CYB5R1: variants seen among roughly 807,000 people sequenced by gnomAD.
The protein encoded by CYB5R1 is cytochrome b5 reductase 1.
CYB5R1 carries 32 observed loss-of-function variants against 37.4 expected under a neutral mutation model. The ratio of observed to expected loss-of-function variants is 0.86; its 90% CI spans 0.65 to 1.15. CYB5R1 has a LOEUF of 1.15. CYB5R1 is among the 50% of genes most tolerant of loss of function. The pLI, the probability that CYB5R1 is intolerant of heterozygous loss-of-function variation, is 0.00. For missense variants in CYB5R1, 345 were observed against 382.5 expected, an observed-to-expected ratio of 0.90 and a Z score of 0.82; for synonymous variants, 159 against 155.2, an observed-to-expected ratio of 1.02 and a Z score of -0.18.
In CYB5R1 at chr1:202,964,645, C is replaced by T; in HGVS notation, c.526G>A (p.Ala176Thr). 6.2e-7 allele frequency: 1 copy of T among 1,613,846 alleles called. No individual in the cohort carries two copies. Among genetic ancestry groups the T allele is most frequent in the Non-Finnish European group, 8.5e-7 (1 of 1,179,788 alleles). Residue 176 changes from alanine (A) to threonine (T), a missense_variant, in exon 6 of 9, where the codon GCG becomes ACG. Physicochemically the swap from Ala to Thr is moderately conservative, Grantham distance 58. Transcript: ENST00000367249. Reference sequence around the variant, plus strand: ...CCGGCAATCATTCCCAGTTTCTTCGCCACTCGGGGTTCTGGTGGAGATTTC... The same window carrying T: ...CCGGCAATCATTCCCAGTTTCTTCGTCACTCGGGGTTCTGGTGGAGATTTC... ...NKKSPPEPRV[A>T]KKLGMIAGGT... is the part of the protein sequence containing the mutation.
chr1:202,966,657 T>G, intron 2 of CYB5R1, 57 bp from the exon 3 acceptor site: 1 of 1,613,728 alleles, frequency 6.2e-7, no homozygotes, highest in Non-Finnish European at 8.5e-7. Context: ...GCCACGTCCC[T>G]TGGACATCCC....
intron 7 of CYB5R1, 174 bp downstream of exon 7, chr1:202,963,468 T>A (rs1206525694): frequency 1.7e-6 from 1 of 605,796 alleles, no homozygotes; most frequent in Admixed American, 3.2e-5. Flanking sequence ...AGGAATTTGA[T>A]TCAGTGCTCT....
At chr1:202,965,170 T>G in intron 5 of CYB5R1, 1 of 594,544 alleles carries the variant, frequency 1.7e-6, no homozygotes, top group Non-Finnish European at 2.9e-6. Flanking sequence ...GGCTAGGGAA[T>G]TCAAGTGGAG....
chr1:202,964,867 G>A, intron 5 of CYB5R1, 172 bp from the exon 6 acceptor site: 3 of 624,762 alleles, frequency 4.8e-6, no homozygotes, highest in Non-Finnish European at 5.8e-6. Context: ...TAATATAGTT[G>A]AGGGACAATG....
rs1449622615 is a variant in CYB5R1 at position 202,962,460 on chromosome 1, G to C, written c.*67C>G. On this transcript the variant is annotated 3_prime_UTR_variant, in exon 9 of 9. Transcript: ENST00000367249. ...GAAACTCTGAGGAAAGGAATCTAAGGCTTATAGTGCTTGAGTACTGATGGG... is the reference window on the plus strand; with the variant it reads ...GAAACTCTGAGGAAAGGAATCTAAGCCTTATAGTGCTTGAGTACTGATGGG... 1 of 1,517,962 alleles carries C rather than the reference G, an allele frequency of 6.6e-7. No homozygotes were observed. The allele number at this position is 1,517,962 out of a possible 1,614,324, so 94.0% of individuals were successfully genotyped here. A position where few individuals can be genotyped will look rare whatever the true frequency, so the allele number is the denominator to read the frequency against.
chr1:202,962,459 G>A lies in CYB5R1; in HGVS notation c.*68C>T, dbSNP rs1326249315. Reference sequence around the variant, plus strand: ...TGAAACTCTGAGGAAAGGAATCTAAGGCTTATAGTGCTTGAGTACTGATGG... The same window carrying A: ...TGAAACTCTGAGGAAAGGAATCTAAAGCTTATAGTGCTTGAGTACTGATGG... On this transcript the variant is annotated 3_prime_UTR_variant, in exon 9 of 9. Transcript: ENST00000367249. 6.6e-7 allele frequency: 1 copy of A among 1,516,142 alleles called. No homozygotes were observed. Among genetic ancestry groups the A allele is most frequent in the Non-Finnish European group, 8.9e-7 (1 of 1,128,926 alleles). The allele number at this position is 1,516,142 out of a possible 1,614,324, so 93.9% of individuals were successfully genotyped here. A position where few individuals can be genotyped will look rare whatever the true frequency, so the allele number is the denominator to read the frequency against.
In CYB5R1 at chr1:202,967,215, C is replaced by T. The variant is rs11544743; in HGVS notation, c.-10G>A. 1.0e-3 allele frequency: 1,684 copies of T among 1,611,410 alleles called. 14 individuals carry two copies. In the African/African-American group the frequency reaches 0.019, roughly 18 times the overall value. Reference sequence around the variant, plus strand: ...CCGTCTGGATCCCCATGACGGAGCGCCTTTTCCTCCACCACCTGACAAGCC... The same window carrying T: ...CCGTCTGGATCCCCATGACGGAGCGTCTTTTCCTCCACCACCTGACAAGCC... On this transcript the variant is annotated 5_prime_UTR_variant, in exon 1 of 9. Transcript: ENST00000367249.
chr1:202,966,580 C>G lies in CYB5R1; in HGVS notation c.186G>C (p.Lys62Asn), dbSNP rs772003868. ...LDKTTVSHNT[K>N]RFRFALPTAH... ...CGGTGGGCAGGGCAAAGCGGAACCT[C>G]TTGGTGTTGTGGCTCACAGTCTGGA... The change falls in exon 3 of 9, where the codon AAG becomes AAC. Residue 62 changes from lysine (K) to asparagine (N), a missense_variant. Coordinates refer to ENST00000367249, the MANE Select transcript of CYB5R1 (RefSeq NM_016243.3). 7.4e-6 allele frequency: 12 copies of G among 1,614,124 alleles called. No individual in the cohort carries two copies. In the African/African-American group the frequency reaches 1.6e-4, roughly 22 times the overall value.
intron 8 of CYB5R1, 146 bp from the exon 9 acceptor site, chr1:202,962,845 G>A (rs1571576435): frequency 3.6e-6 from 4 of 1,101,658 alleles, no homozygotes; most frequent in East Asian, 2.6e-5. Flanking sequence ...TACTCAGCCT[G>A]CCTCAAGCTG....
Position 202,961,918 on chromosome 1 carries a change from A to G in CYB5R1, c.*609T>C, listed in dbSNP as rs941592851. The G allele has an allele frequency of 2.0e-5, 3 of 152,270 alleles. No homozygotes were observed. Among genetic ancestry groups the G allele is most frequent in the Non-Finnish European group, 4.4e-5 (3 of 68,066 alleles). 9.4% of individuals were successfully genotyped at this position (152,270 alleles called of 1,614,324 possible). On this transcript the variant is annotated 3_prime_UTR_variant, in exon 9 of 9. Coordinates refer to ENST00000367249, the MANE Select transcript of CYB5R1 (RefSeq NM_016243.3). The stretch of plus-strand genomic sequence containing the variant: ...CTCAGCCCCATTTATTTGCACAGCC[A>G]GGGGTTCCTGCCACAAACAGCAGTT...
rs1263028637 is a variant in CYB5R1 at position 202,966,979 on chromosome 1, T to TC, written c.16-82dup. Reference sequence around the variant, plus strand: ...GTGGTGACCGTCCCAGGGGTGGCGATCCCGAGCTCCAGCGCGGAGGCATGC... The same window carrying TC: ...GTGGTGACCGTCCCAGGGGTGGCGATCCCCGAGCTCCAGCGCGGAGGCATGC... On this transcript the variant is annotated intron_variant, in intron 1 of 8. Coordinates refer to ENST00000367249, the MANE Select transcript of CYB5R1 (RefSeq NM_016243.3). 4 of 1,493,462 alleles carry TC rather than the reference T, an allele frequency of 2.7e-6. No individual in the cohort carries two copies. The African/African-American group carries it at 5.6e-5, about 21-fold the overall frequency. The allele number at this position is 1,493,462 out of a possible 1,614,324, so 92.5% of individuals were successfully genotyped here. A position where few individuals can be genotyped will look rare whatever the true frequency, so the allele number is the denominator to read the frequency against.
chr1:202,965,869 C>G lies in CYB5R1; in HGVS notation c.345+18G>C, dbSNP rs755220471. 6.5e-7 allele frequency: 1 copy of G among 1,537,762 alleles called. No individual in the cohort carries two copies. Among genetic ancestry groups the G allele is most frequent in the African/African-American group, 1.4e-5 (1 of 73,204 alleles). On this transcript the variant is annotated intron_variant, in intron 4 of 8. Coordinates refer to ENST00000367249, the MANE Select transcript of CYB5R1 (RefSeq NM_016243.3). Reference sequence around the variant, plus strand: ...AAGAATGGGTAAGCAGCCCCTGGGTCCCTTCCTAGCCCCTTACCTTGATGA... The same window carrying G: ...AAGAATGGGTAAGCAGCCCCTGGGTGCCTTCCTAGCCCCTTACCTTGATGA...
intron 4 of CYB5R1, 91 bp from the exon 5 acceptor site, chr1:202,965,591 A>T: frequency 1.6e-6 from 2 of 1,283,062 alleles, no homozygotes; most frequent in Non-Finnish European, 2.1e-6. Flanking sequence ...TGGGGCAGGG[A>T]TCAGATATGT....
chr1:202,963,177 AG>A lies in CYB5R1; in HGVS notation c.646-13del. 1 of 1,605,320 alleles carries A rather than the reference AG, an allele frequency of 6.2e-7. No homozygotes were observed. Among genetic ancestry groups the A allele is most frequent in the Non-Finnish European group, 8.5e-7 (1 of 1,172,050 alleles). ...ATATCCTTTTCTGTCTGAAATGCAA[AG>A]GGGAAGGAAAGTCTTTAGGAGTCTT... On this transcript the variant is annotated splice_polypyrimidine_tract_variant and intron_variant, in intron 7 of 8. Coordinates refer to ENST00000367249, the MANE Select transcript of CYB5R1 (RefSeq NM_016243.3).
At chr1:202,964,545 G>C in intron 6 of CYB5R1, 67 bp downstream of exon 6, 1 of 1,221,786 alleles carries the variant, frequency 8.2e-7, no homozygotes. Context: ...TCTTCAGAGG[G>C]TCACCTAGGA....
rs1655066577 is a variant in CYB5R1 at position 202,965,408 on chromosome 1, A to G, written c.438T>C (p.Phe146=). ...DSLKVGDVVE[F]RGPSGLLTYT... ...AAGTGAGCAACCCGCTTGGCCCCCGAAACTCCACCACATCCCCAACCTTCA... is the reference window on the plus strand; with the variant it reads ...AAGTGAGCAACCCGCTTGGCCCCCGGAACTCCACCACATCCCCAACCTTCA... Residue 146 remains phenylalanine, a synonymous_variant, in exon 5 of 9, where the codon TTT becomes TTC. Transcript: ENST00000367249. 2 of 1,604,518 alleles carry G rather than the reference A, an allele frequency of 1.2e-6. No homozygotes were observed. The highest frequency in any genetic ancestry group is 1.7e-6 in the Non-Finnish European group (2 of 1,175,518).
chr1:202,965,854 A>T (rs750464274), intron 4 of CYB5R1, 33 bp downstream of exon 4: 2 of 1,430,372 alleles, frequency 1.4e-6, no homozygotes, highest in Non-Finnish European at 2.0e-6. Context: ...AAGAATGGGT[A>T]AGCAGCCCCT....
In CYB5R1 at chr1:202,962,451, G is replaced by T. The variant is rs1655006837; in HGVS notation, c.*76C>A. 2.0e-6 allele frequency: 3 copies of T among 1,485,658 alleles called. No homozygotes were observed. Among genetic ancestry groups the T allele is most frequent in the Non-Finnish European group, 2.7e-6 (3 of 1,109,354 alleles). The allele number at this position is 1,485,658 out of a possible 1,614,324, so 92.0% of individuals were successfully genotyped here. ...AAAAAACCTGAAACTCTGAGGAAAG[G>T]AATCTAAGGCTTATAGTGCTTGAGT... On this transcript the variant is annotated 3_prime_UTR_variant, in exon 9 of 9. Coordinates refer to ENST00000367249, the MANE Select transcript of CYB5R1 (RefSeq NM_016243.3).
At chr1:202,963,886 C>T (rs1655040352) in intron 6 of CYB5R1, 159 bp from the exon 7 acceptor site, 1 of 460,646 alleles carries the variant, frequency 2.2e-6, no homozygotes, top group South Asian at 5.0e-5. Flanking sequence ...TGCATATTCT[C>T]CAACATCTGT....
Sources: gnomAD v4.1 joint callset for allele counts on GRCh38, gnomAD v4.1.1 for gene constraint, MANE v1.5 for transcripts, NCBI Gene and HGNC (gene_info 2026-07-23, HGNC 2026-07-21) for gene names.